PITPNC1: variants seen among roughly 807,000 people sequenced by gnomAD.
PITPNC1 encodes the protein phosphatidylinositol transfer protein cytoplasmic 1, also known as cytoplasmic phosphatidylinositol transfer protein 1.
In PITPNC1, 18 loss-of-function variants were observed where a neutral mutation model predicts 44.7. The observed-to-expected ratio is 0.40, with a 90% confidence interval of 0.28 to 0.60. The LOEUF is 0.60. Ranked by LOEUF, PITPNC1 falls within the 20% of genes least tolerant of loss-of-function variation. PITPNC1 has a pLI of 0.39. For synonymous variants in PITPNC1, 141 were observed against 149.6 expected (o/e 0.94, Z 0.42); for missense variants, 290 against 418.4 (o/e 0.69, Z 2.68).
At chr17:67,558,771 T>G (rs1186998674) in intron 4 of PITPNC1, among the ~76,000 whole-genome samples, 1 of 152,170 alleles carries the variant, frequency 6.6e-6, no homozygotes, top group Non-Finnish European at 1.5e-5. Flanking sequence ...TTACCCAACA[T>G]TTTAAATTAT....
intron 1 of PITPNC1, 57 bp downstream of exon 1, chr17:67,378,259 G>T (rs2037901523): frequency 4.1e-6 from 5 of 1,206,252 alleles, no homozygotes; most frequent in South Asian, 1.6e-5. Context: ...CGCTACCGCC[G>T]CCTCCTGGCC....
chr17:67,588,502 C>T (rs2041350775), intron 5 of PITPNC1, among the ~76,000 whole-genome samples: 1 of 152,152 alleles, frequency 6.6e-6, no homozygotes, highest in South Asian at 2.1e-4. Context: ...CCACCCCACC[C>T]AGGGCACGAA....
intron 1 of PITPNC1, among the ~76,000 whole-genome samples, chr17:67,501,589 T>C (rs2040030310): frequency 6.6e-6 from 1 of 152,176 alleles, no homozygotes; most frequent in Admixed American, 6.5e-5. Flanking sequence ...TCCAGCAATT[T>C]GAGAGGCCAA....
chr17:67,378,087 G>A lies in PITPNC1; in HGVS notation c.-68G>A, dbSNP rs1190359494. 8 of 1,149,588 alleles carry A rather than the reference G, an allele frequency of 7.0e-6. No homozygotes were observed. Among genetic ancestry groups the A allele is most frequent in the Non-Finnish European group, 9.6e-6 (8 of 829,962 alleles). 71.2% of individuals were successfully genotyped at this position (1,149,588 alleles called of 1,614,324 possible). On this transcript the variant is annotated 5_prime_UTR_variant, in exon 1 of 9. Transcript: ENST00000581322. ...TCCGGGCGCCCTGCCCTGCGCCTGG[G>A]CAGCAGCCTTGCTGGTCTTGGGGGC...
intron 5 of PITPNC1, among the ~76,000 whole-genome samples, chr17:67,626,060 C>G (rs1012872141): frequency 6.6e-6 from 1 of 151,064 alleles, no homozygotes; most frequent in Non-Finnish European, 1.5e-5. Flanking sequence ...GATCTTGGCT[C>G]ACTGCAACCT....
chr17:67,529,583 C>A (rs1056104127), intron 1 of PITPNC1, among the ~76,000 whole-genome samples: 4 of 152,158 alleles, frequency 2.6e-5, no homozygotes, highest in Non-Finnish European at 4.4e-5. Flanking sequence ...CAGAAGGAAC[C>A]CCTGCACCTG....
intron 2 of PITPNC1, among the ~76,000 whole-genome samples, chr17:67,539,639 C>A (rs1178434861): frequency 6.6e-6 from 1 of 152,112 alleles, no homozygotes; most frequent in Non-Finnish European, 1.5e-5. Context: ...GAGATCGAGA[C>A]CATCCTGGCT....
chr17:67,438,816 T>C (rs1338812973), intron 1 of PITPNC1, among the ~76,000 whole-genome samples: 2 of 152,254 alleles, frequency 1.3e-5, no homozygotes, highest in African/African-American at 4.8e-5. Flanking sequence ...GACTTACGGC[T>C]ACTATTCTGA....
At chr17:67,423,302 C>CT (rs1025894492) in intron 1 of PITPNC1, among the ~76,000 whole-genome samples, 14 of 152,284 alleles carry the variant, frequency 9.2e-5, no homozygotes, top group African/African-American at 2.9e-4. Context: ...GGTCTTTTCT[C>CT]TGACAGATAT....
At chr17:67,455,604 T>TC (rs2039244575) in intron 1 of PITPNC1, among the ~76,000 whole-genome samples, 1 of 145,236 alleles carries the variant, frequency 6.9e-6, no homozygotes, top group African/African-American at 2.5e-5. Flanking sequence ...TGTTTTTTTT[T>TC]GTTTTTTTTG....
At chr17:67,543,287 T>C (rs2570040) in intron 2 of PITPNC1, among the ~76,000 whole-genome samples, 148,533 of 152,286 alleles carry the variant, frequency 0.98, 72,451 homozygotes, top group East Asian at 0.99. Flanking sequence ...TGAATTGTCC[T>C]GTTTTTCTTT....
chr17:67,670,750 C>CAAA (rs61094990), intron 7 of PITPNC1, among the ~76,000 whole-genome samples: 1,645 of 60,374 alleles, frequency 0.027, 51 homozygotes, highest in African/African-American at 0.062. Context: ...GACTCCATCT[C>CAAA]AAAAAAAAAA....
chr17:67,390,739 G>A (rs996524271), intron 1 of PITPNC1, among the ~76,000 whole-genome samples: 2 of 152,134 alleles, frequency 1.3e-5, no homozygotes, highest in African/African-American at 4.8e-5. Flanking sequence ...AGAGGAGAGC[G>A]CCACTGCAGA....
chr17:67,633,473 C>G (rs1289040763), intron 6 of PITPNC1, among the ~76,000 whole-genome samples: 2 of 152,214 alleles, frequency 1.3e-5, no homozygotes, highest in African/African-American at 4.8e-5. Context: ...CGCTTATGTT[C>G]AGCTGCTGTC....
At chr17:67,648,146 A>G (rs959800612) in intron 6 of PITPNC1, among the ~76,000 whole-genome samples, 2 of 152,222 alleles carry the variant, frequency 1.3e-5, no homozygotes, top group Non-Finnish European at 2.9e-5. Flanking sequence ...ATAATACAGT[A>G]CACAAGGAGC....
intron 1 of PITPNC1, among the ~76,000 whole-genome samples, chr17:67,439,008 A>C (rs1187039779): frequency 6.6e-6 from 1 of 152,210 alleles, no homozygotes; most frequent in East Asian, 1.9e-4. Context: ...TACAGGTCCA[A>C]ATGGCAGTAG....
chr17:67,680,953 C>T (rs948202255), intron 8 of PITPNC1, among the ~76,000 whole-genome samples: 13 of 152,082 alleles, frequency 8.5e-5, no homozygotes, highest in African/African-American at 2.9e-4. Context: ...TGAAAGTGAA[C>T]GGAAATGTTT....
intron 1 of PITPNC1, among the ~76,000 whole-genome samples, chr17:67,468,390 GCTTT>G (rs981521281): frequency 6.9e-6 from 1 of 145,130 alleles, no homozygotes; most frequent in Non-Finnish European, 1.5e-5. Flanking sequence ...TGAACAGGTG[GCTTT>G]CTTTCCTTTT....
chr17:67,675,458 T>C (rs764588021), intron 7 of PITPNC1, 21 bp from the exon 8 acceptor site: 4 of 1,550,490 alleles, frequency 2.6e-6, no homozygotes, highest in Non-Finnish European at 3.6e-6. Context: ...ATTATTTCAG[T>C]CTCCTTCTTT....
Sources: gnomAD v4.1 joint callset for allele counts (sites outside exome capture counted in the v4.1 genomes callset) on GRCh38, gnomAD v4.1.1 for gene constraint, MANE v1.5 for transcripts, NCBI Gene and HGNC (gene_info 2026-07-23, HGNC 2026-07-21) for gene names.